The following LINGO2 variants were observed in gnomAD, a reference collection of about 807,000 sequenced individuals.
LINGO2 encodes leucine rich repeat and Ig domain containing 2.
A neutral mutation model predicts 30.6 loss-of-function variants in LINGO2; 14 were observed. That is an observed-to-expected ratio of 0.46 (90% CI 0.30 to 0.72). The LOEUF (loss-of-function observed/expected upper bound fraction) is 0.72. Ranked by LOEUF, LINGO2 falls within the 30% of genes least tolerant of loss-of-function variation. LINGO2 has a pLI of 0.07. For synonymous variants in LINGO2, 317 were observed against 288.5 expected (o/e 1.10, Z -1.00); for missense variants, 729 against 751.7 (o/e 0.97, Z 0.35).
At chr9:28,594,109 G>A (rs1825059394) in intron 1 of LINGO2, among the ~76,000 whole-genome samples, 1 of 151,960 alleles carries the variant, frequency 6.6e-6, no homozygotes, top group Admixed American at 6.6e-5. Flanking sequence ...ATAGTTAGAA[G>A]TGAAATGGCG....
chr9:28,061,191 A>G (rs1321081454), intron 4 of LINGO2, among the ~76,000 whole-genome samples: 1 of 147,418 alleles, frequency 6.8e-6, no homozygotes, highest in Non-Finnish European at 1.5e-5. Flanking sequence ...AGAACCTGGC[A>G]TCTAGTATGT....
intron 3 of LINGO2, among the ~76,000 whole-genome samples, chr9:28,323,954 C>T (rs1286253182): frequency 6.6e-6 from 1 of 152,130 alleles, no homozygotes; most frequent in Non-Finnish European, 1.5e-5. Flanking sequence ...ATCCAGGAAA[C>T]CTAACAGTAC....
At chr9:28,068,810 T>C (rs1360474858) in intron 4 of LINGO2, among the ~76,000 whole-genome samples, 2 of 152,142 alleles carry the variant, frequency 1.3e-5, no homozygotes, top group Non-Finnish European at 2.9e-5. Context: ...ATACTCCATA[T>C]ACAATGCAAC....
the LINGO2 span, among the ~76,000 whole-genome samples, chr9:28,779,260 C>T: frequency 5.9e-5 from 9 of 152,168 alleles, no homozygotes; most frequent in East Asian, 1.7e-3. Context: ...TATACATTTC[C>T]ATGATTGATA....
chr9:28,853,333 A>T, the LINGO2 span, among the ~76,000 whole-genome samples: 1 of 152,008 alleles, frequency 6.6e-6, no homozygotes, highest in Non-Finnish European at 1.5e-5. Flanking sequence ...CATTTCACAG[A>T]CTCATTACTC....
chr9:28,848,896 C>A, the LINGO2 span, among the ~76,000 whole-genome samples: 1 of 151,924 alleles, frequency 6.6e-6, no homozygotes, highest in Middle Eastern at 3.2e-3. Context: ...TCATATGTTG[C>A]AATTCTAACC....
At chr9:28,473,121 G>A (rs1825591113) in intron 2 of LINGO2, among the ~76,000 whole-genome samples, 1 of 151,876 alleles carries the variant, frequency 6.6e-6, no homozygotes, top group Non-Finnish European at 1.5e-5. Flanking sequence ...ATCTGAGATT[G>A]TGATAAAAAT....
chr9:28,234,556 T>C lies in LINGO2; in HGVS notation c.-87+60652A>G, dbSNP rs1821489704. Among the ~76,000 whole-genome samples the C allele has an allele frequency of 2.0e-5, 3 of 152,290 alleles. No individual in the cohort carries two copies. In the South Asian group the frequency reaches 6.2e-4, roughly 32 times the overall value. On this transcript the variant is annotated intron_variant, in intron 4 of 5. Transcript: ENST00000379992. ...CCAGTTCATCAGCTACCAGCATGGC[T>C]AGAATAAAGCAGGCAGAAGAAAATG...
At chr9:28,000,603 A>G (rs1239188859) in intron 5 of LINGO2, among the ~76,000 whole-genome samples, 2 of 152,216 alleles carry the variant, frequency 1.3e-5, no homozygotes, top group African/African-American at 4.8e-5. Flanking sequence ...TCCTGACACC[A>G]TATTCAATCA....
Position 28,147,553 on chromosome 9 carries a change from T to C in LINGO2, c.-86-135148A>G, listed in dbSNP as rs1198542733. Among the ~76,000 whole-genome samples, 2 of 152,132 alleles carry C rather than the reference T, an allele frequency of 1.3e-5. No homozygotes were observed. Among genetic ancestry groups the C allele is most frequent in the African/African-American group, 4.8e-5 (2 of 41,442 alleles). On this transcript the variant is annotated intron_variant, in intron 4 of 5. Coordinates refer to ENST00000379992, the Ensembl canonical transcript of LINGO2. The surrounding 1 kb of genome is among the most constrained non-coding windows in gnomAD (Gnocchi z 4.7). ...GAGCCTGGCGGGATCTGGCTGGTCC[T>C]GTGCTCTGCTTCCAGGTTCTGGCCC...
intron 1 of LINGO2, among the ~76,000 whole-genome samples, chr9:28,587,776 C>T (rs939697): frequency 0.59 from 88,966 of 151,622 alleles, 26,493 homozygotes; most frequent in East Asian, 0.69. Flanking sequence ...CAGTAGGTAC[C>T]GGCTTCAGAG....
chr9:29,005,488 C>T, the LINGO2 span, among the ~76,000 whole-genome samples: 1 of 151,972 alleles, frequency 6.6e-6, no homozygotes, highest in African/African-American at 2.4e-5. Context: ...TACATATAAC[C>T]TGTGCACATC....
chr9:28,199,029 T>C (rs1036575477), intron 4 of LINGO2, among the ~76,000 whole-genome samples: 1 of 152,198 alleles, frequency 6.6e-6, no homozygotes, highest in Admixed American at 6.5e-5. Context: ...TCCTAGATAA[T>C]TTCTTTTCCA....
intron 4 of LINGO2, chr9:28,080,619 T>C (rs1587820686): frequency 1.3e-5 from 2 of 152,222 alleles, no homozygotes; most frequent in Admixed American, 1.3e-4. Context: ...TTTGTTTGTT[T>C]CTTTATTGAC....
chr9:28,449,111 G>T (rs1334569302), intron 2 of LINGO2, among the ~76,000 whole-genome samples: 1 of 148,364 alleles, frequency 6.7e-6, no homozygotes, highest in African/African-American at 2.5e-5. Context: ...TTTAATATTG[G>T]CCTTTTCTAT....
At chr9:28,362,827 T>C (rs1262834480) in intron 3 of LINGO2, among the ~76,000 whole-genome samples, 1 of 152,166 alleles carries the variant, frequency 6.6e-6, no homozygotes, top group Non-Finnish European at 1.5e-5. Flanking sequence ...AAGATAAAAA[T>C]AAAACAGTAT....
intron 2 of LINGO2, among the ~76,000 whole-genome samples, chr9:28,466,497 A>G (rs186327221): frequency 6.6e-6 from 1 of 152,306 alleles, no homozygotes. Context: ...ATAAATGGGT[A>G]CAAATAATAG....
intron 2 of LINGO2, among the ~76,000 whole-genome samples, chr9:28,392,249 T>C (rs1269659035): frequency 2.0e-5 from 3 of 152,134 alleles, no homozygotes; most frequent in Non-Finnish European, 4.4e-5. Flanking sequence ...CCATCTTTAG[T>C]CAGTGAAGAT....
chr9:28,920,504 T>C, the LINGO2 span, among the ~76,000 whole-genome samples: 3 of 152,160 alleles, frequency 2.0e-5, no homozygotes, highest in South Asian at 6.2e-4. Flanking sequence ...TTAATACAAA[T>C]GTGGCTAGAA....
Sources: gnomAD v4.1 joint callset for allele counts (sites outside exome capture counted in the v4.1 genomes callset) on GRCh38, gnomAD v4.1.1 for gene constraint, Gnocchi (gnomAD v3.1) non-coding constraint, MANE v1.5 for transcripts, NCBI Gene and HGNC (gene_info 2026-07-23, HGNC 2026-07-21) for gene names.